APC2: variants seen among roughly 807,000 people sequenced by gnomAD.
The protein encoded by APC2 is adenomatous polyposis coli protein 2.
A neutral mutation model predicts 72.5 loss-of-function variants in APC2; 41 were observed. That is an observed-to-expected ratio of 0.57 (90% CI 0.44 to 0.73). The LOEUF is 0.73. Ranked by LOEUF, APC2 falls within the 30% of genes least tolerant of loss-of-function variation. APC2 has a pLI of 0.00. For synonymous variants in APC2, 1,898 were observed against 1,612.0 expected (o/e 1.18, Z -4.25); for missense variants, 3,729 against 3,403.4 (o/e 1.10, Z -2.38).
Position 1,467,868 on chromosome 19 carries a change from C to T in APC2, c.4567C>T (p.Pro1523Ser). 1 of 1,563,242 alleles carries T rather than the reference C, an allele frequency of 6.4e-7. No individual in the cohort carries two copies. Residue 1523 changes from proline (P) to serine (S), a missense_variant, in exon 15 of 15, where the codon CCC becomes TCC. Physicochemically the swap from Pro to Ser is moderately conservative, Grantham distance 74. Coordinates refer to ENST00000590469, the MANE Select transcript of APC2 (RefSeq NM_005883.3). ...DSDEEPPAAAPTPTHRRTSAI... is the reference protein window; with the variant it reads ...DSDEEPPAAASTPTHRRTSAI... ...GGACGAGGAGCCCCCGGCGGCCGCGCCCACGCCAACCCACCGGCGCACATC... is the reference window on the plus strand; with the variant it reads ...GGACGAGGAGCCCCCGGCGGCCGCGTCCACGCCAACCCACCGGCGCACATC...
Position 1,466,954 on chromosome 19 carries a change from C to G in APC2, c.3653C>G (p.Pro1218Arg), listed in dbSNP as rs377124131. 1.8e-5 allele frequency: 29 copies of G among 1,603,612 alleles called. No individual in the cohort carries two copies. The highest frequency in any genetic ancestry group is 2.3e-5 in the Non-Finnish European group (27 of 1,175,588). The change falls in exon 15 of 15, where the codon CCC becomes CGC. Residue 1218 changes from proline to arginine, a missense_variant. Physicochemically the swap from Pro to Arg is moderately radical, Grantham distance 103. Coordinates refer to ENST00000590469, the MANE Select transcript of APC2 (RefSeq NM_005883.3). ...PSRSKTPPLA[P>R]APQGPPEATQ... Reference sequence around the variant, plus strand: ...CGGAGCAAGACGCCACCGCTGGCGCCCGCGCCACAGGGTCCCCCCGAGGCC... The same window carrying G: ...CGGAGCAAGACGCCACCGCTGGCGCGCGCGCCACAGGGTCCCCCCGAGGCC...
Position 1,469,601 on chromosome 19 carries a change from G to A in APC2, c.6300G>A (p.Ala2100=), listed in dbSNP as rs2084096272. ...GGCCGGAGACTGTCAAGCGCTACGC[G>A]TCGCTGCCGCACATCAGCGTGGCCC... The part of the protein sequence containing the change: ...AARPETVKRY[A]SLPHISVARR... Residue 2100 remains alanine, a synonymous_variant, in exon 15 of 15, where the codon GCG becomes GCA. Coordinates refer to ENST00000590469, the MANE Select transcript of APC2 (RefSeq NM_005883.3). The A allele has an allele frequency of 1.6e-6, 2 of 1,258,526 alleles. No homozygotes were observed. Among genetic ancestry groups the A allele is most frequent in the South Asian group, 1.9e-5 (1 of 52,054 alleles). 78.0% of individuals were successfully genotyped at this position (1,258,526 alleles called of 1,614,324 possible). A position where few individuals can be genotyped will look rare whatever the true frequency, so the allele number is the denominator to read the frequency against.
chr19:1,461,545 T>C (rs1029432099), intron 13 of APC2: 2 of 322,294 alleles, frequency 6.2e-6, no homozygotes, highest in East Asian at 7.1e-5. Context: ...AGAGCAAGAC[T>C]GCGTCTCAAA....
chr19:1,465,350 C>T lies in APC2; in HGVS notation c.2049C>T (p.Ile683=). ...RNLVHSKHKM[I]AMGSAAALRN... is the part of the protein sequence containing the mutation. Reference sequence around the variant, plus strand: ...TGGTGCACTCCAAGCACAAGATGATCGCCATGGGCAGCGCCGCCGCCCTGC... The same window carrying T: ...TGGTGCACTCCAAGCACAAGATGATTGCCATGGGCAGCGCCGCCGCCCTGC... Residue 683 remains isoleucine (I), a synonymous_variant, in exon 15 of 15, where the codon ATC becomes ATT. Transcript: ENST00000590469. 6 of 1,587,334 alleles carry T rather than the reference C, an allele frequency of 3.8e-6. No individual in the cohort carries two copies. Among genetic ancestry groups the T allele is most frequent in the Admixed American group, 3.4e-5 (2 of 58,636 alleles).
Position 1,470,078 on chromosome 19 carries a change from C to G in APC2, c.6777C>G (p.Ser2259Arg). Residue 2259 changes from serine (S) to arginine (R), a missense_variant, in exon 15 of 15, where the codon AGC becomes AGG. Coordinates refer to ENST00000590469, the MANE Select transcript of APC2 (RefSeq NM_005883.3). ...TCGCCGTGGGGGGCTTCCCCGCCAG[C>G]CGGCACGGCTCCCCCAGCCGCTCGG... The part of the protein sequence containing the change: ...LGVAVGGFPA[S>R]RHGSPSRSAR... 1 of 1,601,000 alleles carries G rather than the reference C, an allele frequency of 6.2e-7. No homozygotes were observed. Among genetic ancestry groups the G allele is most frequent in the Middle Eastern group, 1.7e-4 (1 of 6,046 alleles).
In APC2 at chr19:1,471,177, C is replaced by A. The variant is rs1400273987; in HGVS notation, c.*964C>A. 6.6e-6 allele frequency: 1 copy of A among 152,502 alleles called. No homozygotes were observed. 9.4% of individuals were successfully genotyped at this position (152,502 alleles called of 1,614,324 possible). ...ACCTGGAGCCCGCGCTGGCCTCTCC[C>A]CAGCGGAGCCTGCACGTTACGGAGA... On this transcript the variant is annotated 3_prime_UTR_variant, in exon 15 of 15. Coordinates refer to ENST00000590469, the MANE Select transcript of APC2 (RefSeq NM_005883.3).
Position 1,460,390 on chromosome 19 carries a change from C to T in APC2, c.1443+70C>T, listed in dbSNP as rs1000270642. 4 of 1,598,732 alleles carry T rather than the reference C, an allele frequency of 2.5e-6. No individual in the cohort carries two copies. In the African/African-American group the frequency reaches 5.4e-5, roughly 21 times the overall value. ...TTCCAGGGACTGAGCCTCCTTCCAACTCATCCCAGCCTCGAAACAGCCCTG... is the reference window on the plus strand; with the variant it reads ...TTCCAGGGACTGAGCCTCCTTCCAATTCATCCCAGCCTCGAAACAGCCCTG... On this transcript the variant is annotated intron_variant, in intron 11 of 14. Transcript: ENST00000590469.
intron 11 of APC2, among the ~76,000 whole-genome samples, chr19:1,460,530 C>T (rs1394570411): frequency 6.6e-6 from 1 of 152,222 alleles, no homozygotes; most frequent in African/African-American, 2.4e-5. Context: ...GTCCTCACGC[C>T]CACCCTGTTG....
At position 1,466,360 on chromosome 19, in the gene APC2, G is replaced by T; in HGVS notation, c.3059G>T (p.Gly1020Val). The T allele has an allele frequency of 6.4e-7, 1 of 1,569,890 alleles. No individual in the cohort carries two copies. Among genetic ancestry groups the T allele is most frequent in the Non-Finnish European group, 8.6e-7 (1 of 1,161,020 alleles). ...RAGAEPLAGP[G>V]ISPGARKQAW... ...GGTGCAGAGCCCCTCGCGGGGCCTG[G>T]AATCTCTCCAGGGGCCCGGAAGCAG... The change falls in exon 15 of 15, where the codon GGA (glycine) becomes GTA (valine). Residue 1020 changes from glycine to valine, a missense_variant. By Grantham distance (109) the Gly-to-Val change is moderately radical. Transcript: ENST00000590469.
rs1282185042 is a variant in APC2 at position 1,469,106 on chromosome 19, G to A, written c.5805G>A (p.Arg1935=). 6.4e-6 allele frequency: 9 copies of A among 1,399,558 alleles called. No individual in the cohort carries two copies. The African/African-American group carries it at 9.1e-5, about 14-fold the overall frequency. 86.7% of individuals were successfully genotyped at this position (1,399,558 alleles called of 1,614,324 possible). A position where few individuals can be genotyped will look rare whatever the true frequency, so the allele number is the denominator to read the frequency against. The change falls in exon 15 of 15, where the codon AGG becomes AGA. Residue 1935 remains arginine, a synonymous_variant. Transcript: ENST00000590469. ...CCGTGCGGATCCCGTTCATGCAGAG[G>A]CCGGCCCGGCGTGGGCCGCCACCGC... ...RSPVRIPFMQ[R]PARRGPPPLA...
chr19:1,467,286 GGTT>G lies in APC2; in HGVS notation c.3986_3988del (p.Gly1329_Ser1330delinsAla). ...GCGGGAGGAGGGGCCGGCGCCCACG[GGTT>G]CTCGCCCTCGCGGCGCCGCGGACCA... is the stretch of plus-strand genomic sequence containing the variant. On this transcript the variant is annotated inframe_deletion, in exon 15 of 15. Transcript: ENST00000590469. The G allele has an allele frequency of 7.6e-7, 1 of 1,319,872 alleles. No homozygotes were observed. The highest frequency in any genetic ancestry group is 9.6e-7 in the Non-Finnish European group (1 of 1,039,446). 81.8% of individuals were successfully genotyped at this position (1,319,872 alleles called of 1,614,324 possible). A position where few individuals can be genotyped will look rare whatever the true frequency, so the allele number is the denominator to read the frequency against.
intron 11 of APC2, 117 bp from the exon 12 acceptor site, chr19:1,460,663 T>A: frequency 9.0e-7 from 1 of 1,111,716 alleles, no homozygotes; most frequent in South Asian, 1.5e-5. Flanking sequence ...CCGGTAGTGG[T>A]CAGGATCAGC....
intron 13 of APC2, chr19:1,461,660 G>C (rs932553720): frequency 2.3e-5 from 9 of 397,808 alleles, no homozygotes; most frequent in Middle Eastern, 6.7e-4. Flanking sequence ...AGACCATCCT[G>C]GCTAACACGG....
intron 14 of APC2, among the ~76,000 whole-genome samples, chr19:1,462,756 G>T (rs534909251): frequency 7.0e-6 from 1 of 142,032 alleles, no homozygotes; most frequent in Non-Finnish European, 1.5e-5. Context: ...GGATCACGAG[G>T]TCAGGAGATC....
At chr19:1,448,410 G>C (rs1400819472), upstream of APC2, among the ~76,000 whole-genome samples, 3 of 152,070 alleles carry the variant, frequency 2.0e-5, no homozygotes, top group African/African-American at 4.8e-5. Context: ...AGCTGGCAAG[G>C]TGGTACATGC....
At position 1,468,035 on chromosome 19, in the gene APC2, C is replaced by T. The variant is rs1378360128; in HGVS notation, c.4734C>T (p.Ser1578=). 5 of 1,582,348 alleles carry T rather than the reference C, an allele frequency of 3.2e-6. No homozygotes were observed. Among genetic ancestry groups the T allele is most frequent in the Non-Finnish European group, 4.3e-6 (5 of 1,173,366 alleles). Residue 1578 remains serine (S), a synonymous_variant, in exon 15 of 15, where the codon TCC becomes TCT. Coordinates refer to ENST00000590469, the MANE Select transcript of APC2 (RefSeq NM_005883.3). ...CTGACGAGACCCCGCCCTGCTACTC[C>T]CTGAGCTCCTCCGCCAGCTCCCTCA... ...LIADETPPCY[S]LSSSASSLSE...
chr19:1,453,570 C>A lies in APC2; in HGVS notation c.372C>A (p.Ser124Arg). The A allele has an allele frequency of 6.2e-7, 1 of 1,610,100 alleles. No individual in the cohort carries two copies. Among genetic ancestry groups the A allele is most frequent in the Non-Finnish European group, 8.5e-7 (1 of 1,178,874 alleles). ...CCAAGGACAGCTTTGGGGAGCTGAG[C>A]CGGGCCACCATCCGGCTGCTGGAGG... ...GPSKDSFGELSRATIRLLEEL... is the reference protein window; with the variant it reads ...GPSKDSFGELRRATIRLLEEL... The change falls in exon 4 of 15, where the codon AGC becomes AGA. Residue 124 changes from serine to arginine, a missense_variant. Coordinates refer to ENST00000590469, the MANE Select transcript of APC2 (RefSeq NM_005883.3).
In APC2 at chr19:1,466,703, C is replaced by T; in HGVS notation, c.3402C>T (p.Gly1134=). The T allele has an allele frequency of 2.6e-6, 4 of 1,524,856 alleles. No homozygotes were observed. Among genetic ancestry groups the T allele is most frequent in the Non-Finnish European group, 3.5e-6 (4 of 1,134,294 alleles). 94.5% of individuals were successfully genotyped at this position (1,524,856 alleles called of 1,614,324 possible). A position where few individuals can be genotyped will look rare whatever the true frequency, so the allele number is the denominator to read the frequency against. The part of the protein sequence containing the change: ...VAIPAPRRNR[G]RGLGVEDATP... Reference sequence around the variant, plus strand: ...TTCCGGCTCCCCGGCGTAACCGAGGCCGGGGCCTGGGGGTGGAAGACGCCA... The same window carrying T: ...TTCCGGCTCCCCGGCGTAACCGAGGTCGGGGCCTGGGGGTGGAAGACGCCA... The change falls in exon 15 of 15, where the codon GGC becomes GGT. Residue 1134 remains glycine (G), a synonymous_variant. Coordinates refer to ENST00000590469, the MANE Select transcript of APC2 (RefSeq NM_005883.3).
rs1044657727 is a variant in APC2 at position 1,469,956 on chromosome 19, G to T, written c.6655G>T (p.Ala2219Ser). 1 of 1,513,194 alleles carries T rather than the reference G, an allele frequency of 6.6e-7. No homozygotes were observed. Among genetic ancestry groups the T allele is most frequent in the Non-Finnish European group, 8.8e-7 (1 of 1,137,272 alleles). The allele number at this position is 1,513,194 out of a possible 1,614,324, so 93.7% of individuals were successfully genotyped here. A position where few individuals can be genotyped will look rare whatever the true frequency, so the allele number is the denominator to read the frequency against. The stretch of plus-strand genomic sequence containing the variant: ...GACCAGGGAGCCCCCCGGGGCCCCC[G>T]CCGGCGGCCAGCTCTCCCTCCTCGG... The part of the protein sequence containing the change: ...LETREPPGAP[A>S]GGQLSLLGSD... The change falls in exon 15 of 15, where the codon GCC becomes TCC. Residue 2219 changes from alanine (A) to serine (S), a missense_variant. By Grantham distance (99) the Ala-to-Ser change is moderately conservative (BLOSUM62 1). Coordinates refer to ENST00000590469, the MANE Select transcript of APC2 (RefSeq NM_005883.3).
Sources: allele counts gnomAD v4.1 joint callset (sites outside exome capture counted in the v4.1 genomes callset), GRCh38; gene constraint gnomAD v4.1.1; transcripts MANE v1.5; gene names NCBI Gene and HGNC (gene_info 2026-07-23, HGNC 2026-07-21).